The following MCC variants were observed in gnomAD, a reference collection of about 807,000 sequenced individuals.
MCC encodes MCC regulator of Wnt signaling pathway.
In MCC, 90 loss-of-function variants were observed where a neutral mutation model predicts 116.2. The ratio of observed to expected loss-of-function variants is 0.77; its 90% CI spans 0.65 to 0.92. The LOEUF (loss-of-function observed/expected upper bound fraction) is 0.92, where lower values mean the gene tolerates loss of function less well. Ranked by LOEUF, MCC falls within the 40% of genes least tolerant of loss-of-function variation. The pLI is 0.00. For synonymous variants in MCC, 578 were observed against 510.5 expected, an observed-to-expected ratio of 1.13 and a Z score of -1.78; for missense variants, 1,516 against 1,312.2, an observed-to-expected ratio of 1.16 and a Z score of -2.40.
intron 3 of MCC, among the ~76,000 whole-genome samples, chr5:113,171,511 C>T (rs1005387553): frequency 6.6e-5 from 10 of 151,978 alleles, no homozygotes; most frequent in African/African-American, 2.4e-4. Context: ...TGCACTATTA[C>T]ACCTGGCTCA....
At chr5:113,159,026 G>T (rs1411741903) in intron 3 of MCC, among the ~76,000 whole-genome samples, 1 of 152,130 alleles carries the variant, frequency 6.6e-6, no homozygotes, top group Non-Finnish European at 1.5e-5. Flanking sequence ...TTTTCGTGAT[G>T]GCAGCACCCA....
intron 6 of MCC, among the ~76,000 whole-genome samples, chr5:113,113,793 A>G (rs999711767): frequency 3.9e-5 from 6 of 152,170 alleles, no homozygotes; most frequent in African/African-American, 1.4e-4. Context: ...GAGACAAAAC[A>G]GCAGGAGGGA....
intron 1 of MCC, among the ~76,000 whole-genome samples, chr5:113,468,542 A>G (rs1344897066): frequency 2.6e-5 from 4 of 152,166 alleles, no homozygotes; most frequent in Non-Finnish European, 5.9e-5. Flanking sequence ...CCACTTGATC[A>G]TGGTGGATAA....
chr5:113,180,983 T>C (rs1761599752), intron 3 of MCC, among the ~76,000 whole-genome samples: 1 of 152,212 alleles, frequency 6.6e-6, no homozygotes, highest in Non-Finnish European at 1.5e-5. Context: ...AACTCTAATT[T>C]TGAAGAATCA....
At chr5:113,218,611 G>C (rs893218773) in intron 3 of MCC, among the ~76,000 whole-genome samples, 1 of 152,134 alleles carries the variant, frequency 6.6e-6, no homozygotes, top group Non-Finnish European at 1.5e-5. Context: ...CAATTTATGC[G>C]AGTTAAAAAA....
chr5:113,062,196 T>C (rs562574525), intron 14 of MCC, among the ~76,000 whole-genome samples: 2 of 152,308 alleles, frequency 1.3e-5, no homozygotes, highest in East Asian at 3.9e-4. Flanking sequence ...GAACCATTCT[T>C]TGGTGAGGTT....
At chr5:113,212,520 C>G (rs1479040680) in intron 3 of MCC, among the ~76,000 whole-genome samples, 1 of 152,136 alleles carries the variant, frequency 6.6e-6, no homozygotes, top group African/African-American at 2.4e-5. Context: ...ATAATGTTAA[C>G]ATTCTTGGTT....
At chr5:113,234,671 T>C (rs188299724) in intron 3 of MCC, 2 of 152,324 alleles carry the variant, frequency 1.3e-5, no homozygotes, top group Admixed American at 6.5e-5. Flanking sequence ...ATATTATATA[T>C]AGAAAACAAC....
At chr5:113,273,157 G>A (rs547255765) in intron 3 of MCC, among the ~76,000 whole-genome samples, 1 of 152,306 alleles carries the variant, frequency 6.6e-6, no homozygotes, top group South Asian at 2.1e-4. Context: ...GGGGCTGAAG[G>A]TGACAATGAA....
At chr5:113,154,145 C>T (rs1022943035) in intron 3 of MCC, among the ~76,000 whole-genome samples, 1 of 152,128 alleles carries the variant, frequency 6.6e-6, no homozygotes, top group Non-Finnish European at 1.5e-5. Context: ...GTTTAATGAG[C>T]ATTTTTTCCT....
At chr5:113,292,452 G>C (rs937720361) in intron 3 of MCC, among the ~76,000 whole-genome samples, 1 of 152,084 alleles carries the variant, frequency 6.6e-6, no homozygotes, top group Non-Finnish European at 1.5e-5. Flanking sequence ...ATTTCCTTAG[G>C]AACAATATTA....
intron 1 of MCC, among the ~76,000 whole-genome samples, chr5:113,480,992 G>A (rs757864636): frequency 5.3e-5 from 8 of 152,186 alleles, no homozygotes; most frequent in Admixed American, 1.3e-4. Context: ...GCTCAGGCTC[G>A]TCTTGAACTC....
chr5:113,268,213 C>G (rs987851655), intron 3 of MCC, among the ~76,000 whole-genome samples: 2 of 152,234 alleles, frequency 1.3e-5, no homozygotes, highest in African/African-American at 4.8e-5. Flanking sequence ...AAAGCACCAT[C>G]TTCCTATACC....
intron 2 of MCC, among the ~76,000 whole-genome samples, chr5:113,345,943 A>T (rs1768122551): frequency 6.6e-6 from 1 of 152,244 alleles, no homozygotes. Context: ...CAGACAGAGA[A>T]TTCAAAATAA....
chr5:113,167,619 C>T (rs186540530), intron 3 of MCC, among the ~76,000 whole-genome samples: 2 of 152,164 alleles, frequency 1.3e-5, no homozygotes, highest in Admixed American at 1.3e-4. Flanking sequence ...CCACCACCTT[C>T]CCCTTTCAAT....
chr5:113,436,112 GGAGT>G (rs1770851178), intron 1 of MCC: 1 of 152,436 alleles, frequency 6.6e-6, no homozygotes, highest in African/African-American at 2.4e-5. Context: ...GGGCCCTTCA[GGAGT>G]GAGTTAGTAG....
intron 17 of MCC, among the ~76,000 whole-genome samples, chr5:113,039,212 T>C (rs1337772067): frequency 6.6e-6 from 1 of 152,232 alleles, no homozygotes; most frequent in African/African-American, 2.4e-5. Context: ...TTTAAAAAGA[T>C]ATTTTTTACT....
In MCC at chr5:113,025,735, T is replaced by C. The variant is rs1750498008; in HGVS notation, c.*1567A>G. The C allele has an allele frequency of 6.6e-6, 1 of 152,238 alleles. No individual in the cohort carries two copies. The highest frequency in any genetic ancestry group is 6.5e-5 in the Admixed American group (1 of 15,282). The allele number at this position is 152,238 out of a possible 1,614,324, so 9.4% of individuals were successfully genotyped here. On this transcript the variant is annotated 3_prime_UTR_variant, in exon 19 of 19. Coordinates refer to ENST00000408903, the MANE Select transcript of MCC (RefSeq NM_001085377.2). Reference sequence around the variant, plus strand: ...TTGATCTGTTGTTTCGTTTTGGAGATGGGCAGCCTCACTGCTGGCCTCTCA... The same window carrying C: ...TTGATCTGTTGTTTCGTTTTGGAGACGGGCAGCCTCACTGCTGGCCTCTCA...
At chr5:113,212,470 C>A (rs922193459) in intron 3 of MCC, among the ~76,000 whole-genome samples, 1 of 151,690 alleles carries the variant, frequency 6.6e-6, no homozygotes, top group Non-Finnish European at 1.5e-5. Context: ...CCTCATCTCA[C>A]ACCGAAAAAA....
Sources: gnomAD v4.1 joint callset for allele counts (sites outside exome capture counted in the v4.1 genomes callset) on GRCh38, gnomAD v4.1.1 for gene constraint, MANE v1.5 for transcripts, NCBI Gene and HGNC (gene_info 2026-07-23, HGNC 2026-07-21) for gene names.